Variants in NAV2 observed in about 807,000 individuals in gnomAD.
NAV2 encodes the protein neuron navigator 2.
Under a neutral mutation model 223.2 loss-of-function variants are expected in NAV2, and 54 were observed. The observed-to-expected ratio is 0.24, with a 90% CI of 0.19 to 0.30. NAV2 has a LOEUF of 0.30. NAV2 is among the 10% of genes least tolerant of loss of function. The probability of loss-of-function intolerance (pLI) is 1.00; values close to 1 mark genes in which losing one functional copy is unlikely to be tolerated. For synonymous variants in NAV2, 1,279 were observed against 1,239.3 expected (o/e 1.03, Z -0.67); for missense variants, 2,806 against 3,147.5 (o/e 0.89, Z 2.60).
At chr11:19,760,108 G>A (rs1235617286) in intron 1 of NAV2, 2 of 152,520 alleles carry the variant, frequency 1.3e-5, no homozygotes, top group Admixed American at 6.5e-5. Flanking sequence ...TCCCAGTTAA[G>A]TGAGAGTTCC....
intron 1 of NAV2, among the ~76,000 whole-genome samples, chr11:19,411,055 G>A (rs1850123884): frequency 6.6e-6 from 1 of 152,134 alleles, no homozygotes; most frequent in Non-Finnish European, 1.5e-5. Context: ...CAGGGCATTG[G>A]CACAGCAATT....
chr11:19,507,330 A>G (rs2043152837), intron 1 of NAV2: 1 of 152,236 alleles, frequency 6.6e-6, no homozygotes, highest in African/African-American at 2.4e-5. Flanking sequence ...TTGTATGGTA[A>G]TAATAGACCC....
intron 1 of NAV2, among the ~76,000 whole-genome samples, chr11:19,361,083 C>T (rs1013642961): frequency 2.6e-5 from 4 of 151,958 alleles, no homozygotes; most frequent in East Asian, 1.9e-4. Flanking sequence ...TTTGTAACCT[C>T]GCTAAACTGG....
At chr11:19,730,226 G>A (rs572050114) in intron 1 of NAV2, among the ~76,000 whole-genome samples, 1 of 152,292 alleles carries the variant, frequency 6.6e-6, no homozygotes, top group East Asian at 1.9e-4. Context: ...GTTCAGTGTG[G>A]GCAGAGTGCC....
At chr11:19,929,485 A>G (rs891112711) in intron 6 of NAV2, among the ~76,000 whole-genome samples, 1 of 152,106 alleles carries the variant, frequency 6.6e-6, no homozygotes, top group Non-Finnish European at 1.5e-5. Context: ...CCCCCTATCT[A>G]GCACCACTCA....
intron 1 of NAV2, among the ~76,000 whole-genome samples, chr11:19,593,763 T>C (rs1470923220): frequency 1.3e-5 from 2 of 152,122 alleles, no homozygotes; most frequent in Middle Eastern, 3.4e-3. Flanking sequence ...ACACCTTTCA[T>C]GGTCTGACTT....
intron 1 of NAV2, among the ~76,000 whole-genome samples, chr11:19,558,487 AC>A (rs1309138960): frequency 1.3e-5 from 2 of 152,188 alleles, no homozygotes; most frequent in African/African-American, 4.8e-5. Context: ...TGAAAAAGAG[AC>A]CCAGAGCCAA....
intron 9 of NAV2, among the ~76,000 whole-genome samples, chr11:19,946,740 C>G (rs976158395): frequency 6.6e-6 from 1 of 152,180 alleles, no homozygotes; most frequent in Admixed American, 6.5e-5. Context: ...ATCCATTCAA[C>G]AAAGGATACT....
intron 1 of NAV2, among the ~76,000 whole-genome samples, chr11:19,354,869 G>A (rs1853525555): frequency 6.6e-6 from 1 of 152,188 alleles, no homozygotes; most frequent in Admixed American, 6.5e-5. Flanking sequence ...TGTCCCCTGT[G>A]CCAGGAGAGG....
intron 1 of NAV2, among the ~76,000 whole-genome samples, chr11:19,571,320 G>C (rs1290954427): frequency 1.3e-5 from 2 of 152,240 alleles, no homozygotes; most frequent in Non-Finnish European, 1.5e-5. Flanking sequence ...ATGGACACAG[G>C]CTTCCTTTTG....
chr11:19,427,704 A>G (rs1410978148), intron 1 of NAV2, among the ~76,000 whole-genome samples: 1 of 152,206 alleles, frequency 6.6e-6, no homozygotes, highest in Non-Finnish European at 1.5e-5. Flanking sequence ...GGTATTTACC[A>G]TTCTAACATG....
chr11:19,408,300 A>G (rs1194984602), intron 1 of NAV2, among the ~76,000 whole-genome samples: 1 of 152,204 alleles, frequency 6.6e-6, no homozygotes, highest in Non-Finnish European at 1.5e-5. Context: ...AGGCAGGGAA[A>G]GGGCAGGAAA....
chr11:19,558,824 C>T (rs1411812688), intron 1 of NAV2, among the ~76,000 whole-genome samples: 5 of 152,218 alleles, frequency 3.3e-5, no homozygotes, highest in Non-Finnish European at 7.3e-5. Context: ...CCTGGATTCC[C>T]TGTCTCGGAA....
intron 1 of NAV2, among the ~76,000 whole-genome samples, chr11:19,631,150 C>A (rs1183507387): frequency 1.3e-5 from 2 of 149,804 alleles, no homozygotes; most frequent in Non-Finnish European, 3.0e-5. Context: ...TACATGTGCA[C>A]AATGTGCAGG....
intron 10 of NAV2, among the ~76,000 whole-genome samples, chr11:19,967,158 G>A (rs566432196): frequency 6.6e-6 from 1 of 152,092 alleles, no homozygotes; most frequent in Non-Finnish European, 1.5e-5. Flanking sequence ...CTACTAAAGG[G>A]TGCGGCCAGT....
chr11:19,777,095 C>G (rs902708168), intron 1 of NAV2, among the ~76,000 whole-genome samples: 2 of 60,126 alleles, frequency 3.3e-5, no homozygotes, highest in African/African-American at 1.5e-4. Context: ...AGCCGCCGAC[C>G]CCCCCCCCCA....
At chr11:20,049,709 C>A in intron 15 of NAV2, 127 bp from the exon 16 acceptor site, 1 of 855,824 alleles carries the variant, frequency 1.2e-6, no homozygotes, top group African/African-American at 1.7e-5. Context: ...TAAATGTGTC[C>A]AGTTTCTGCA....
chr11:20,080,257 C>A (rs1299097720), intron 25 of NAV2, 48 bp downstream of exon 25: 1 of 1,565,574 alleles, frequency 6.4e-7, no homozygotes, highest in East Asian at 2.3e-5. Context: ...GAGTCAGTTG[C>A]AGAACTGGCT....
At chr11:19,401,588 G>T (rs746841333) in intron 1 of NAV2, among the ~76,000 whole-genome samples, 2 of 152,208 alleles carry the variant, frequency 1.3e-5, no homozygotes, top group African/African-American at 2.4e-5. Context: ...AAGGAGGAAT[G>T]ATCGCAAATC....
Sources: allele counts gnomAD v4.1 joint callset (sites outside exome capture counted in the v4.1 genomes callset), GRCh38; gene constraint gnomAD v4.1.1; transcripts MANE v1.5; gene names NCBI Gene and HGNC (gene_info 2026-07-23, HGNC 2026-07-21).